PALLD: variants seen among roughly 807,000 people sequenced by gnomAD.
The protein encoded by PALLD is palladin, cytoskeletal associated protein.
In PALLD, 61 loss-of-function variants were observed where a neutral mutation model predicts 123.5. The observed-to-expected ratio is 0.49, with a 90% CI of 0.40 to 0.61. The LOEUF (loss-of-function observed/expected upper bound fraction) is 0.61. Ranked by LOEUF, PALLD falls within the 20% of genes least tolerant of loss-of-function variation. PALLD has a pLI of 0.00. For synonymous variants in PALLD, 465 were observed against 496.4 expected, an observed-to-expected ratio of 0.94 and a Z score of 0.84; for missense variants, 1,273 against 1,377.0, an observed-to-expected ratio of 0.92 and a Z score of 1.20.
chr4:168,541,232 T>C (rs13124825), intron 2 of PALLD, among the ~76,000 whole-genome samples: 96,370 of 152,100 alleles, frequency 0.63, 30,791 homozygotes, highest in East Asian at 0.85. Flanking sequence ...ATTCTTTATC[T>C]GTTTGTGTTA....
At chr4:168,544,702 T>C (rs999005165) in intron 2 of PALLD, among the ~76,000 whole-genome samples, 3 of 152,262 alleles carry the variant, frequency 2.0e-5, no homozygotes, top group Admixed American at 6.5e-5. Flanking sequence ...TTTACACTTC[T>C]TATTTCCTAG....
At chr4:168,848,893 C>T (rs1476843675) in intron 10 of PALLD, among the ~76,000 whole-genome samples, 1 of 152,164 alleles carries the variant, frequency 6.6e-6, no homozygotes, top group African/African-American at 2.4e-5. Flanking sequence ...GTATGATTAA[C>T]TTCGAAGTCC....
intron 14 of PALLD, among the ~76,000 whole-genome samples, chr4:168,899,909 C>T (rs1368304224): frequency 6.7e-6 from 1 of 150,200 alleles, no homozygotes; most frequent in Non-Finnish European, 1.5e-5. Flanking sequence ...AACAGTGAGA[C>T]TCCGTCTCAA....
intron 2 of PALLD, among the ~76,000 whole-genome samples, chr4:168,604,398 T>G (rs1772962806): frequency 6.6e-6 from 1 of 151,876 alleles, no homozygotes; most frequent in Admixed American, 6.6e-5. Context: ...CCCAGAAAAA[T>G]CTCATAAAAT....
intron 2 of PALLD, among the ~76,000 whole-genome samples, chr4:168,533,902 G>A (rs534670194): frequency 9.2e-5 from 14 of 152,288 alleles, no homozygotes; most frequent in Admixed American, 3.3e-4. Context: ...CATTGACGAA[G>A]ACAAGAAGGA....
At chr4:168,518,119 A>G (rs1399839342) in intron 2 of PALLD, among the ~76,000 whole-genome samples, 1 of 152,110 alleles carries the variant, frequency 6.6e-6, no homozygotes, top group Non-Finnish European at 1.5e-5. Flanking sequence ...TCAGGAAAAA[A>G]ACCTTGAAGC....
chr4:168,714,065 A>G (rs1031935337), intron 10 of PALLD, among the ~76,000 whole-genome samples: 2 of 150,334 alleles, frequency 1.3e-5, no homozygotes, highest in Non-Finnish European at 2.9e-5. Context: ...GTAGAAAATA[A>G]TATGTGATGA....
At chr4:168,627,098 T>G (rs1283344383) in intron 2 of PALLD, among the ~76,000 whole-genome samples, 1 of 152,234 alleles carries the variant, frequency 6.6e-6, no homozygotes, top group East Asian at 1.9e-4. Flanking sequence ...ATGTGTTTTT[T>G]AACAACAACT....
At chr4:168,508,777 C>T (rs6857497) in intron 1 of PALLD, among the ~76,000 whole-genome samples, 42,684 of 149,816 alleles carry the variant, frequency 0.28, 6,297 homozygotes, top group African/African-American at 0.39. Context: ...CTTTCAGCCC[C>T]CGAGTCTCCC....
chr4:168,886,019 CAG>C (rs1161958151), intron 10 of PALLD, among the ~76,000 whole-genome samples: 4 of 152,090 alleles, frequency 2.6e-5, no homozygotes, highest in African/African-American at 4.8e-5. Context: ...TGTGGAAAAA[CAG>C]ATAAGAAAGC....
At chr4:168,730,932 A>G (rs562399432) in intron 10 of PALLD, among the ~76,000 whole-genome samples, 6 of 152,286 alleles carry the variant, frequency 3.9e-5, no homozygotes, top group African/African-American at 1.4e-4. Context: ...CCATCTCCAT[A>G]AAGTGAGCTT....
intron 2 of PALLD, among the ~76,000 whole-genome samples, chr4:168,517,813 C>A (rs1164810158): frequency 2.0e-5 from 3 of 152,108 alleles, no homozygotes; most frequent in African/African-American, 7.2e-5. Flanking sequence ...CAATGAGATA[C>A]CAGATAATAC....
chr4:168,670,585 T>A (rs969435109), intron 3 of PALLD, among the ~76,000 whole-genome samples: 5 of 143,586 alleles, frequency 3.5e-5, no homozygotes, highest in Admixed American at 3.5e-4. Flanking sequence ...TACAAAAAAT[T>A]AGCCGGGCGC....
intron 10 of PALLD, among the ~76,000 whole-genome samples, chr4:168,845,101 T>C (rs1746628548): frequency 6.6e-6 from 1 of 152,072 alleles, no homozygotes; most frequent in East Asian, 1.9e-4. Context: ...GGCAGGTGAC[T>C]GGTGTGGCTA....
At chr4:168,540,957 G>C (rs146889834) in intron 2 of PALLD, among the ~76,000 whole-genome samples, 214 of 152,250 alleles carry the variant, frequency 1.4e-3, no homozygotes, top group African/African-American at 4.9e-3. Flanking sequence ...TTTGTGGAAG[G>C]GTTATAGATA....
intron 10 of PALLD, among the ~76,000 whole-genome samples, chr4:168,714,312 GTGTT>G (rs917949971): frequency 2.0e-4 from 31 of 152,154 alleles, no homozygotes; most frequent in African/African-American, 7.5e-4. Flanking sequence ...TTTTCTTTCA[GTGTT>G]TGTTCAGTTT....
In PALLD at chr4:168,512,408, G is replaced by C; in HGVS notation, c.904G>C (p.Val302Leu). Residue 302 changes from valine to leucine, a missense_variant, in exon 2 of 22, where the codon GTC (valine) becomes CTC (leucine). Around this residue, in one of 2 missense-constraint regions of PALLD, gnomAD observed 944 missense variants for 954.5 expected, o/e 0.99. Coordinates refer to ENST00000505667, the MANE Select transcript of PALLD (RefSeq NM_001166108.2). Reference sequence around the variant, plus strand: ...AGTCACTGGAAACCCCACTCCTCGAGTCAGGTATGAATTTTTGTATTATGC... The same window carrying C: ...AGTCACTGGAAACCCCACTCCTCGACTCAGGTATGAATTTTTGTATTATGC... Reference protein sequence around the residue: ...CRVTGNPTPRVRWFCEGKELH... With the variant: ...CRVTGNPTPRLRWFCEGKELH... 2 of 1,612,826 alleles carry C rather than the reference G, an allele frequency of 1.2e-6. No homozygotes were observed. Among genetic ancestry groups the C allele is most frequent in the African/African-American group, 1.3e-5 (1 of 75,026 alleles).
intron 10 of PALLD, among the ~76,000 whole-genome samples, chr4:168,753,617 A>G (rs996493282): frequency 1.3e-5 from 2 of 152,156 alleles, no homozygotes; most frequent in African/African-American, 4.8e-5. Flanking sequence ...GCTGGGTTAA[A>G]AAAATGCACA....
chr4:168,692,037 T>C (rs1402591485), intron 8 of PALLD, among the ~76,000 whole-genome samples: 1 of 152,222 alleles, frequency 6.6e-6, no homozygotes, highest in African/African-American at 2.4e-5. Flanking sequence ...GGGTCACAAT[T>C]TCACTTATTT....
Sources: gnomAD v4.1 joint callset for allele counts (sites outside exome capture counted in the v4.1 genomes callset) on GRCh38, gnomAD v4.1.1 for gene constraint, gnomAD v4.1.1 regional missense constraint, MANE v1.5 for transcripts, NCBI Gene and HGNC (gene_info 2026-07-23, HGNC 2026-07-21) for gene names.